TBCD: variants seen among roughly 807,000 people sequenced by gnomAD.
The protein encoded by TBCD is tubulin folding cofactor D, also known as tubulin-specific chaperone D.
Under a neutral mutation model 169.3 loss-of-function variants are expected in TBCD, and 105 were observed. That is an observed-to-expected ratio of 0.62 (90% CI 0.53 to 0.73). TBCD has a LOEUF of 0.73. TBCD is among the 30% of genes least tolerant of loss of function. The pLI, the probability that TBCD is intolerant of heterozygous loss-of-function variation, is 0.00. For missense variants in TBCD, 1,444 were observed against 1,600.1 expected (o/e 0.90, Z 1.66); for synonymous variants, 700 against 643.9 (o/e 1.09, Z -1.32).
At chr17:82,792,460 T>TGTAG (rs916475466) in intron 7 of TBCD, among the ~76,000 whole-genome samples, 4 of 152,250 alleles carry the variant, frequency 2.6e-5, no homozygotes, top group Admixed American at 2.6e-4. Flanking sequence ...TGTTCTATGA[T>TGTAG]GTAGGACTCT....
chr17:82,929,749 C>G (rs1674225287), intron 32 of TBCD: 2 of 614,674 alleles, frequency 3.3e-6, no homozygotes, highest in Non-Finnish European at 5.8e-6. Flanking sequence ...GCGGCCGCAG[C>G]CTTGGAGCTC....
At chr17:82,924,406 A>G (rs190008204) in intron 26 of TBCD, among the ~76,000 whole-genome samples, 1 of 152,316 alleles carries the variant, frequency 6.6e-6, no homozygotes, top group Non-Finnish European at 1.5e-5. Context: ...GCCTCACTGT[A>G]CATCCTGCAC....
chr17:82,942,073 G>GA, intron 38 of TBCD: 1 of 371,308 alleles, frequency 2.7e-6, no homozygotes, highest in Non-Finnish European at 4.9e-6. Flanking sequence ...GGGCAGTGGG[G>GA]ATGGGCTGAG....
At position 82,915,553 on chromosome 17, in the gene TBCD, G is replaced by A. The variant is rs142310771; in HGVS notation, c.2038+3764G>A. 7.7e-4 allele frequency among the ~76,000 whole-genome samples: 118 copies of A among 152,324 alleles called. No homozygotes were observed. Among genetic ancestry groups the A allele is most frequent in the African/African-American group, 2.8e-3 (117 of 41,572 alleles). On this transcript the variant is annotated intron_variant, in intron 23 of 38. Coordinates refer to ENST00000355528, the MANE Select transcript of TBCD (RefSeq NM_005993.5). The surrounding 1 kb of genome is among the most constrained non-coding windows in gnomAD (Gnocchi z 4.3). ...ATCAAAGGAAAGAAACAGGAACTCT[G>A]TTTAGTGAAGCAGCGATGAAGGAGG...
intron 26 of TBCD, 99 bp from the exon 27 acceptor site, chr17:82,924,840 G>T (rs1370319046): frequency 2.1e-6 from 2 of 968,540 alleles, no homozygotes; most frequent in African/African-American, 3.3e-5. Flanking sequence ...CTCCTCCTTT[G>T]TTCACTGTGG....
intron 28 of TBCD, chr17:82,926,850 G>A: frequency 2.0e-6 from 1 of 490,666 alleles, no homozygotes; most frequent in Non-Finnish European, 3.6e-6. Flanking sequence ...CTCCCTGCAG[G>A]CACACAAGAG....
At position 82,831,115 on chromosome 17, in the gene TBCD, G is replaced by C. The variant is rs748944330; in HGVS notation, c.1318+16181G>C. 1.2e-6 allele frequency: 2 copies of C among 1,614,028 alleles called. No homozygotes were observed. The highest frequency in any genetic ancestry group is 1.7e-5 in the Admixed American group (1 of 59,992). On this transcript the variant is annotated intron_variant, in intron 13 of 38. Transcript: ENST00000355528. The surrounding 1 kb of genome is among the most constrained non-coding windows in gnomAD (Gnocchi z 4.6). ...GAAGGCTGTGAGGCTTTGCTCTGGC[G>C]GGTAGAGTCTTCCCAGTGCGCTGGA...
intron 7 of TBCD, among the ~76,000 whole-genome samples, chr17:82,793,763 A>C (rs912070588): frequency 6.6e-6 from 1 of 152,180 alleles, no homozygotes; most frequent in Admixed American, 6.5e-5. Flanking sequence ...GGCATGCCCA[A>C]GAGTGGCTTT....
Position 82,809,762 on chromosome 17 carries a change from G to A in TBCD, c.1203G>A (p.Gly401=). 6.2e-7 allele frequency: 1 copy of A among 1,613,658 alleles called. No homozygotes were observed. Among genetic ancestry groups the A allele is most frequent in the Non-Finnish European group, 8.5e-7 (1 of 1,179,738 alleles). ...LPRALADDVV[G]SVLDCFSFQE... Reference sequence around the variant, plus strand: ...GAGCCCTGGCGGATGATGTGGTCGGGTCTGTGCTGGACTGCTTCAGGTATG... The same window carrying A: ...GAGCCCTGGCGGATGATGTGGTCGGATCTGTGCTGGACTGCTTCAGGTATG... Residue 401 remains glycine, a synonymous_variant, in exon 12 of 39, where the codon GGG becomes GGA. Transcript: ENST00000355528.
rs2292971 is a variant in TBCD at position 82,905,981 on chromosome 17, T to C, written c.1850T>C (p.Met617Thr). 703,475 of 1,607,640 alleles carry C rather than the reference T, an allele frequency of 0.44. 157,642 individuals are homozygous for C. Among genetic ancestry groups the C allele is most frequent in the African/African-American group, 0.66 (49,445 of 74,788 alleles). ...LSMTLSPDLH[M>T]RHGSILACAE... ...ATGACACTGAGTCCAGATCTTCACATGAGGCATGGGTCGATTCTCGCCTGC... is the reference window on the plus strand; with the variant it reads ...ATGACACTGAGTCCAGATCTTCACACGAGGCATGGGTCGATTCTCGCCTGC... The change falls in exon 20 of 39, where the codon ATG becomes ACG. Residue 617 changes from methionine to threonine, a missense_variant. Physicochemically the swap from Met to Thr is moderately conservative, Grantham distance 81 (BLOSUM62 -1). Coordinates refer to ENST00000355528, the MANE Select transcript of TBCD (RefSeq NM_005993.5).
In TBCD at chr17:82,909,252, A is replaced by G. The variant is rs762095681; in HGVS notation, c.1984-33A>G. 2.2e-5 allele frequency: 32 copies of G among 1,447,000 alleles called. No homozygotes were observed. The African/African-American group carries it at 3.5e-4, about 16-fold the overall frequency. 89.6% of individuals were successfully genotyped at this position (1,447,000 alleles called of 1,614,324 possible). ...GTATACGTATTATTTTAAAATTTAAATCATTAAATAACTTTCAGTTTTTTA... is the reference window on the plus strand; with the variant it reads ...GTATACGTATTATTTTAAAATTTAAGTCATTAAATAACTTTCAGTTTTTTA... On this transcript the variant is annotated intron_variant, in intron 21 of 38. Coordinates refer to ENST00000355528, the MANE Select transcript of TBCD (RefSeq NM_005993.5).
chr17:82,906,403 G>A (rs1162154415), intron 20 of TBCD, among the ~76,000 whole-genome samples: 1 of 152,244 alleles, frequency 6.6e-6, no homozygotes, highest in Non-Finnish European at 1.5e-5. Flanking sequence ...TTTCCAAGAC[G>A]GCATTGAGCG....
At chr17:82,882,257 T>C (rs2058408699) in intron 14 of TBCD, among the ~76,000 whole-genome samples, 1 of 152,196 alleles carries the variant, frequency 6.6e-6, no homozygotes, top group African/African-American at 2.4e-5. Context: ...CCATGGGACC[T>C]TCCCACCTGT....
Position 82,789,592 on chromosome 17 carries a change from C to T in TBCD, c.771+7871C>T, listed in dbSNP as rs2049556349. ...CCTGTGCAGGTTGGGGTGCCCCTGC[C>T]CTCTCCCCTGCCCCGCCCTCACCTG... On this transcript the variant is annotated intron_variant, in intron 7 of 38. Transcript: ENST00000355528. The surrounding 1 kb of genome is among the most constrained non-coding windows in gnomAD (Gnocchi z 4.8). Among the ~76,000 whole-genome samples, 1 of 152,178 alleles carries T rather than the reference C, an allele frequency of 6.6e-6. No homozygotes were observed. Among genetic ancestry groups the T allele is most frequent in the African/African-American group, 2.4e-5 (1 of 41,444 alleles).
chr17:82,755,788 A>T (rs1250363458), intron 1 of TBCD, among the ~76,000 whole-genome samples: 1 of 152,104 alleles, frequency 6.6e-6, no homozygotes, highest in Non-Finnish European at 1.5e-5. Context: ...AGTGCCAGGG[A>T]TGTGTGTCTC....
chr17:82,807,720 G>C, intron 11 of TBCD, 52 bp downstream of exon 11: 1 of 1,350,168 alleles, frequency 7.4e-7, no homozygotes, highest in South Asian at 1.8e-5. Context: ...GGCCTCTCCT[G>C]TGCGATTCAG....
At chr17:82,791,471 C>T (rs1034258631) in intron 7 of TBCD, among the ~76,000 whole-genome samples, 3 of 152,120 alleles carry the variant, frequency 2.0e-5, no homozygotes, top group South Asian at 2.1e-4. Flanking sequence ...TTGGAAGGTG[C>T]GTGGGCTCGC....
At chr17:82,845,451 A>C (rs1598885448) in intron 13 of TBCD, among the ~76,000 whole-genome samples, 3 of 89,780 alleles carry the variant, frequency 3.3e-5, no homozygotes, top group Non-Finnish European at 2.3e-5. Flanking sequence ...CTTCCTCTCC[A>C]TCTCGTCTGG....
At chr17:82,776,266 G>A (rs1400464176) in intron 6 of TBCD, among the ~76,000 whole-genome samples, 1 of 151,976 alleles carries the variant, frequency 6.6e-6, no homozygotes, top group Non-Finnish European at 1.5e-5. Flanking sequence ...AAATCTTGGC[G>A]TGGCGTGGTG....
Sources: gnomAD v4.1 joint callset for allele counts (sites outside exome capture counted in the v4.1 genomes callset) on GRCh38, gnomAD v4.1.1 for gene constraint, Gnocchi (gnomAD v3.1) non-coding constraint, MANE v1.5 for transcripts, NCBI Gene and HGNC (gene_info 2026-07-23, HGNC 2026-07-21) for gene names.